CSMD3: variants seen among roughly 807,000 people sequenced by gnomAD.
The protein encoded by CSMD3 is CUB and Sushi multiple domains 3, also known as CUB and sushi domain-containing protein 3.
A neutral mutation model predicts 435.2 loss-of-function variants in CSMD3; 177 were observed. The ratio of observed to expected loss-of-function variants is 0.41; its 90% CI spans 0.36 to 0.46. The LOEUF is 0.46. CSMD3 is among the 20% of genes least tolerant of loss of function. The pLI is 0.34. For synonymous variants in CSMD3, 1,656 were observed against 1,520.5 expected (o/e 1.09, Z -2.07); for missense variants, 4,265 against 4,504.6 (o/e 0.95, Z 1.52).
intron 12 of CSMD3, among the ~76,000 whole-genome samples, chr8:112,812,255 T>A (rs143305885): frequency 6.6e-6 from 1 of 152,092 alleles, no homozygotes; most frequent in Non-Finnish European, 1.5e-5. Context: ...AGGTAAAACA[T>A]TGGAGTTTAA....
intron 6 of CSMD3, among the ~76,000 whole-genome samples, chr8:112,995,975 T>C (rs2085636916): frequency 6.6e-6 from 1 of 151,512 alleles, no homozygotes; most frequent in Admixed American, 6.6e-5. Flanking sequence ...AGAAGATTTT[T>C]GAAAAATTTA....
intron 10 of CSMD3, among the ~76,000 whole-genome samples, chr8:112,904,563 A>T (rs1277116383): frequency 1.3e-5 from 2 of 151,386 alleles, no homozygotes; most frequent in Non-Finnish European, 3.0e-5. Flanking sequence ...ATTATTTATG[A>T]GGACCTTGAA....
chr8:113,083,473 A>G lies in CSMD3; in HGVS notation c.917+15283T>C, dbSNP rs561907263. The stretch of plus-strand genomic sequence containing the variant: ...TCCCAAGCAAGCAGAAACTCAGGAA[A>G]TTCATCACCCCTATAATGGTCTTAC... On this transcript the variant is annotated intron_variant, in intron 5 of 70. Coordinates refer to ENST00000297405, the MANE Select transcript of CSMD3 (RefSeq NM_198123.2). 7.8e-4 allele frequency among the ~76,000 whole-genome samples: 119 copies of G among 152,160 alleles called. 1 individual carries two copies. The highest frequency in any genetic ancestry group is 2.8e-3 in the African/African-American group (115 of 41,564).
At chr8:112,589,775 C>T (rs887151102) in intron 22 of CSMD3, among the ~76,000 whole-genome samples, 7 of 152,042 alleles carry the variant, frequency 4.6e-5, no homozygotes, top group Non-Finnish European at 7.4e-5. Flanking sequence ...TATATGAAAA[C>T]GTCAACTACA....
rs199693760 is a variant in CSMD3, at chr8:113,192,308, AGTT to A, written c.515-18395_515-18393del. 5.3e-5 allele frequency among the ~76,000 whole-genome samples: 8 copies of A among 151,564 alleles called. No individual in the cohort carries two copies. The East Asian group carries it at 7.8e-4, about 15-fold the overall frequency. On this transcript the variant is annotated intron_variant, in intron 3 of 70. Transcript: ENST00000297405. The stretch of plus-strand genomic sequence containing the variant: ...ATCTATGTATCTTCTTACAGTTCAC[AGTT>A]GTTGTTTTTTTTATATTTGACAATG...
chr8:113,309,349 G>C (rs898956114), intron 2 of CSMD3: 2 of 152,122 alleles, frequency 1.3e-5, no homozygotes, highest in African/African-American at 4.8e-5. Context: ...TGTAAGCATA[G>C]TACATGACAG....
At chr8:112,739,732 A>G in intron 13 of CSMD3, among the ~76,000 whole-genome samples, 1 of 151,940 alleles carries the variant, frequency 6.6e-6, no homozygotes, top group African/African-American at 2.4e-5. Context: ...TAGTCCATGA[A>G]CAATATTATA....
chr8:113,040,607 C>A (rs2087565097), intron 5 of CSMD3, among the ~76,000 whole-genome samples: 1 of 152,114 alleles, frequency 6.6e-6, no homozygotes, highest in Non-Finnish European at 1.5e-5. Flanking sequence ...ACTCTAAATT[C>A]TTGGTCTAAG....
chr8:113,386,775 C>A (rs757390722), intron 1 of CSMD3, among the ~76,000 whole-genome samples: 5 of 151,830 alleles, frequency 3.3e-5, no homozygotes, highest in Admixed American at 1.3e-4. Flanking sequence ...CTGAGCCTCA[C>A]TTAGTTTTAC....
intron 68 of CSMD3, among the ~76,000 whole-genome samples, chr8:112,233,866 C>G (rs1399625625): frequency 6.6e-6 from 1 of 152,058 alleles, no homozygotes; most frequent in Non-Finnish European, 1.5e-5. Flanking sequence ...ACATAAGTTC[C>G]TTTTCATGGA....
chr8:112,521,772 T>C (rs985247297), intron 27 of CSMD3, among the ~76,000 whole-genome samples: 1 of 151,868 alleles, frequency 6.6e-6, no homozygotes, highest in Admixed American at 6.6e-5. Flanking sequence ...ACTTACTATG[T>C]CCAAAATATT....
At chr8:112,600,762 C>T (rs1407308528) in intron 22 of CSMD3, among the ~76,000 whole-genome samples, 2 of 151,962 alleles carry the variant, frequency 1.3e-5, no homozygotes, top group African/African-American at 2.4e-5. Flanking sequence ...ACTGCAAGCT[C>T]CACCTCCCAA....
At chr8:112,872,091 T>C (rs993567394) in intron 10 of CSMD3, among the ~76,000 whole-genome samples, 2 of 152,060 alleles carry the variant, frequency 1.3e-5, no homozygotes, top group African/African-American at 2.4e-5. Context: ...ATTAGAATTC[T>C]CAGATTCTTG....
At chr8:112,749,122 G>A (rs77661040) in intron 13 of CSMD3, among the ~76,000 whole-genome samples, 4,004 of 151,808 alleles carry the variant, frequency 0.026, 180 homozygotes, top group African/African-American at 0.092. Context: ...TATGTGTATC[G>A]GCCGTATGTA....
chr8:113,105,736 T>G (rs1213548577), intron 4 of CSMD3, among the ~76,000 whole-genome samples: 1 of 152,080 alleles, frequency 6.6e-6, no homozygotes, highest in African/African-American at 2.4e-5. Context: ...ATGCAATACT[T>G]AAAGCTTAAA....
chr8:113,207,045 T>G (rs1301497280), intron 3 of CSMD3, among the ~76,000 whole-genome samples: 1 of 152,146 alleles, frequency 6.6e-6, no homozygotes, highest in African/African-American at 2.4e-5. Context: ...ACTAACTTAC[T>G]AGGCATGGGA....
At chr8:112,745,918 C>G (rs1313386659) in intron 13 of CSMD3, among the ~76,000 whole-genome samples, 1 of 152,010 alleles carries the variant, frequency 6.6e-6, no homozygotes, top group Non-Finnish European at 1.5e-5. Context: ...AAACATTTTG[C>G]TAATTTTTTT....
intron 4 of CSMD3, among the ~76,000 whole-genome samples, chr8:113,126,192 C>T (rs990170477): frequency 7.2e-5 from 11 of 151,834 alleles, no homozygotes; most frequent in Non-Finnish European, 1.2e-4. Flanking sequence ...TGTTAAATAA[C>T]TAGCATAGAT....
At chr8:112,298,932 T>C (rs1820626612) in intron 53 of CSMD3, among the ~76,000 whole-genome samples, 1 of 152,120 alleles carries the variant, frequency 6.6e-6, no homozygotes, top group Non-Finnish European at 1.5e-5. Flanking sequence ...ATAGCAGCTT[T>C]ATTCATAATA....
Sources: allele counts gnomAD v4.1 joint callset (sites outside exome capture counted in the v4.1 genomes callset), GRCh38; gene constraint gnomAD v4.1.1; transcripts MANE v1.5; gene names NCBI Gene and HGNC (gene_info 2026-07-23, HGNC 2026-07-21).